PCLO: variants seen among roughly 807,000 people sequenced by gnomAD.
The protein encoded by PCLO is protein piccolo.
In PCLO, 82 loss-of-function variants were observed where a neutral mutation model predicts 427.5. The ratio of observed to expected loss-of-function variants is 0.19; its 90% CI spans 0.16 to 0.23. The LOEUF is 0.23. PCLO is among the 10% of genes least tolerant of loss of function. The pLI is 1.00. For synonymous variants in PCLO, 2,357 were observed against 2,155.4 expected (o/e 1.09, Z -2.59); for missense variants, 6,239 against 6,115.9 (o/e 1.02, Z -0.67).
At chr7:83,039,064 G>A (rs1788904543) in intron 3 of PCLO, among the ~76,000 whole-genome samples, 1 of 151,832 alleles carries the variant, frequency 6.6e-6, no homozygotes, top group African/African-American at 2.4e-5. Context: ...TCATTTTTGA[G>A]TGGGTTGTCT....
intron 3 of PCLO, among the ~76,000 whole-genome samples, chr7:83,027,145 C>CA (rs1306782090): frequency 7.8e-6 from 1 of 128,670 alleles, no homozygotes; most frequent in Non-Finnish European, 1.7e-5. Context: ...AAAAACCCTT[C>CA]AAAAAATTAA....
At chr7:83,068,206 G>C (rs945053423) in intron 3 of PCLO, among the ~76,000 whole-genome samples, 1 of 151,994 alleles carries the variant, frequency 6.6e-6, no homozygotes, top group African/African-American at 2.4e-5. Context: ...TAGGTAACAA[G>C]GTAACAACAA....
At chr7:82,774,904 T>C (rs931070972) in intron 22 of PCLO, among the ~76,000 whole-genome samples, 1 of 152,206 alleles carries the variant, frequency 6.6e-6, no homozygotes, top group Admixed American at 6.5e-5. Context: ...ATTCATTCCT[T>C]CTCCCCGCTA....
intron 9 of PCLO, chr7:82,880,373 T>C (rs1325340361): frequency 5.0e-6 from 2 of 399,378 alleles, no homozygotes; most frequent in Non-Finnish European, 1.0e-5. Context: ...AAACACATAT[T>C]AATCATGACA....
intron 3 of PCLO, among the ~76,000 whole-genome samples, chr7:83,020,274 T>A (rs1206642075): frequency 6.6e-6 from 1 of 152,140 alleles, no homozygotes; most frequent in African/African-American, 2.4e-5. Flanking sequence ...ACATTCCATC[T>A]TTCATGAGGG....
At chr7:82,768,845 A>G (rs1790587345) in intron 22 of PCLO, among the ~76,000 whole-genome samples, 1 of 152,140 alleles carries the variant, frequency 6.6e-6, no homozygotes, top group Admixed American at 6.5e-5. Context: ...ATCTATATGC[A>G]TACATTTGTA....
Position 82,954,374 on chromosome 7 carries a change from G to C in PCLO, c.6579C>G (p.Thr2193=). 3 of 1,613,850 alleles carry C rather than the reference G, an allele frequency of 1.9e-6. No individual in the cohort carries two copies. The South Asian group carries it at 3.3e-5, about 18-fold the overall frequency. ...SLTSSVSSVC[T]TDSSSPITTL... ...TAGTAATGGGTGAAGAGCTATCTGT[G>C]GTACAGACCGAAGAAACAGATGATG... is the stretch of plus-strand genomic sequence containing the variant. Residue 2193 remains threonine (T), a synonymous_variant, in exon 5 of 25, where the codon ACC becomes ACG. Coordinates refer to ENST00000333891, the MANE Select transcript of PCLO (RefSeq NM_033026.6).
At position 82,826,647 on chromosome 7, in the gene PCLO, G is replaced by C; in HGVS notation, c.14357C>G (p.Thr4786Arg). 6.2e-7 allele frequency: 1 copy of C among 1,603,518 alleles called. No individual in the cohort carries two copies. Among genetic ancestry groups the C allele is most frequent in the Non-Finnish European group, 8.5e-7 (1 of 1,172,994 alleles). The change falls in exon 18 of 25, where the codon ACA becomes AGA. Residue 4786 changes from threonine (T) to arginine (R), a missense_variant. Thr to Arg is a moderately conservative substitution (Grantham distance 71). This residue lies in a region of PCLO where 877 missense variants were observed against 925.5 expected (regional missense o/e 0.95). Coordinates refer to ENST00000333891, the MANE Select transcript of PCLO (RefSeq NM_033026.6). The stretch of plus-strand genomic sequence containing the variant: ...ATAATCCCAAACTGTCACCTCCAGT[G>C]TTTTCTTCTTGAGCTATATAGTTCA... The part of the protein sequence containing the change: ...SISMEQLKKK[T>R]LEVTVWDYDR...
At chr7:82,854,189 A>G (rs1031206465) in intron 10 of PCLO, among the ~76,000 whole-genome samples, 3 of 152,042 alleles carry the variant, frequency 2.0e-5, no homozygotes. Flanking sequence ...CTGGGTGCCA[A>G]TGGTGTCCCC....
At chr7:83,137,526 G>A (rs186585308) in intron 2 of PCLO, among the ~76,000 whole-genome samples, 2,033 of 152,178 alleles carry the variant, frequency 0.013, 66 homozygotes, top group African/African-American at 0.046. Context: ...TGCCTCCCAG[G>A]TTCACGCCAT....
rs992893830 is a variant in PCLO, at chr7:82,790,416, C to T, written c.15007+11102G>A. On this transcript the variant is annotated intron_variant, in intron 22 of 24. Coordinates refer to ENST00000333891, the MANE Select transcript of PCLO (RefSeq NM_033026.6). Reference sequence around the variant, plus strand: ...CTTGTCCACAAGTTCACCAATATCACGTATTTTCTCATGTTGCAAAGGCTT... The same window carrying T: ...CTTGTCCACAAGTTCACCAATATCATGTATTTTCTCATGTTGCAAAGGCTT... Among the ~76,000 whole-genome samples the T allele has an allele frequency of 2.6e-5, 4 of 152,122 alleles. No individual in the cohort carries two copies. The East Asian group carries it at 7.7e-4, about 29-fold the overall frequency.
intron 2 of PCLO, among the ~76,000 whole-genome samples, chr7:83,144,416 C>T (rs1012895498): frequency 2.0e-5 from 3 of 151,708 alleles, no homozygotes; most frequent in East Asian, 1.9e-4. Flanking sequence ...AGTGAAACTC[C>T]GTCTCAAAAA....
chr7:82,818,372 A>G (rs1007695509), intron 20 of PCLO, among the ~76,000 whole-genome samples: 5 of 152,174 alleles, frequency 3.3e-5, no homozygotes, highest in African/African-American at 9.6e-5. Context: ...AAATGCCTAC[A>G]GATGGACCCG....
chr7:82,946,321 A>C (rs901491311), intron 6 of PCLO, among the ~76,000 whole-genome samples: 1 of 152,208 alleles, frequency 6.6e-6, no homozygotes, highest in Non-Finnish European at 1.5e-5. Context: ...CATGCCAGGC[A>C]CTAGTCAGGC....
chr7:82,997,130 A>T lies in PCLO; in HGVS notation c.3301-30643T>A, dbSNP rs567997073. Among the ~76,000 whole-genome samples the T allele has an allele frequency of 7.2e-5, 11 of 152,044 alleles. No homozygotes were observed. In the Admixed American group the frequency reaches 7.2e-4, roughly 10 times the overall value. On this transcript the variant is annotated intron_variant, in intron 3 of 24. Coordinates refer to ENST00000333891, the MANE Select transcript of PCLO (RefSeq NM_033026.6). ...GGTCATCACTACACTTCAATGGATA[A>T]TAACACCTAGGACTTCAATGAACAG...
At chr7:82,921,572 T>C (rs1016865120) in intron 6 of PCLO, among the ~76,000 whole-genome samples, 1 of 152,002 alleles carries the variant, frequency 6.6e-6, no homozygotes, top group African/African-American at 2.4e-5. Context: ...ACCCTTTCCT[T>C]ATACCATATA....
chr7:82,951,813 T>G (rs774768809), intron 5 of PCLO, 43 bp downstream of exon 5: 1 of 1,567,134 alleles, frequency 6.4e-7, no homozygotes, highest in Non-Finnish European at 8.6e-7. Context: ...AGGAACACCA[T>G]AATGATATTT....
intron 13 of PCLO, among the ~76,000 whole-genome samples, chr7:82,842,375 T>C (rs1442626116): frequency 6.6e-6 from 1 of 152,014 alleles, no homozygotes; most frequent in Non-Finnish European, 1.5e-5. Context: ...TCTCACACCA[T>C]ATACAAAAAT....
chr7:82,944,006 GC>G (rs1412404680), intron 6 of PCLO, among the ~76,000 whole-genome samples: 1 of 151,642 alleles, frequency 6.6e-6, no homozygotes, highest in African/African-American at 2.4e-5. Flanking sequence ...AATTAGCTGG[GC>G]GGGGTGGCAA....
Sources: allele counts gnomAD v4.1 joint callset (sites outside exome capture counted in the v4.1 genomes callset), GRCh38; gene constraint gnomAD v4.1.1; regional missense constraint gnomAD v4.1.1; transcripts MANE v1.5; gene names NCBI Gene and HGNC (gene_info 2026-07-23, HGNC 2026-07-21).